TRAF6: variants seen among roughly 807,000 people sequenced by gnomAD.
TRAF6 encodes TNF receptor-associated factor 6.
In TRAF6, 10 loss-of-function variants were observed where a neutral mutation model predicts 48.4. That is an observed-to-expected ratio of 0.21 (90% CI 0.13 to 0.35). The LOEUF is 0.35. Among genes scored for constraint, TRAF6 ranks in the 10% least tolerant of loss-of-function variants. TRAF6 has a pLI of 1.00. For missense variants in TRAF6, 397 were observed against 661.0 expected (o/e 0.60, Z 4.38); for synonymous variants, 186 against 219.6 (o/e 0.85, Z 1.35).
In TRAF6 at chr11:36,510,120, A is replaced by C. The variant is rs914642907; in HGVS notation, c.-95T>G. The C allele has an allele frequency of 3.3e-5, 5 of 152,462 alleles. No homozygotes were observed. The highest frequency in any genetic ancestry group is 9.6e-5 in the African/African-American group (4 of 41,452). The allele number at this position is 152,462 out of a possible 1,614,324, so 9.4% of individuals were successfully genotyped here. ...CCAACCGCACGACTCCGCTCAGCCA[A>C]GGCGCTGGTAGAGGACGGACACAGA... On this transcript the variant is annotated 5_prime_UTR_variant, in exon 1 of 7. Coordinates refer to ENST00000526995, the MANE Select transcript of TRAF6 (RefSeq NM_004620.4).
At chr11:36,495,530 G>A (rs1465972051) in intron 4 of TRAF6, among the ~76,000 whole-genome samples, 1 of 152,164 alleles carries the variant, frequency 6.6e-6, no homozygotes, top group Non-Finnish European at 1.5e-5. Flanking sequence ...AGAATATAAT[G>A]ACTTTAGTTG....
intron 1 of TRAF6, among the ~76,000 whole-genome samples, chr11:36,505,211 T>C (rs550190447): frequency 6.6e-6 from 1 of 152,338 alleles, no homozygotes; most frequent in African/African-American, 2.4e-5. Flanking sequence ...TCTGTAGCTA[T>C]GAACATCCTA....
Position 36,501,485 on chromosome 11 carries a change from C to T in TRAF6, c.31G>A (p.Gly11Arg). ...CAGTCACTTTCAGACTGGCTGGATCCACAGCTGTTTTCACAGTTTAGCAGA... is the reference window on the plus strand; with the variant it reads ...CAGTCACTTTCAGACTGGCTGGATCTACAGCTGTTTTCACAGTTTAGCAGA... The part of the protein sequence containing the change: MSLLNCENSC[G>R]SSQSESDCCV... The change falls in exon 2 of 7, where the codon GGA becomes AGA. Residue 11 changes from glycine (G) to arginine (R), a missense_variant. Gly to Arg is a moderately radical substitution (Grantham distance 125). Transcript: ENST00000526995. 1 of 1,611,058 alleles carries T rather than the reference C, an allele frequency of 6.2e-7. No individual in the cohort carries two copies. Among genetic ancestry groups the T allele is most frequent in the South Asian group, 1.1e-5 (1 of 90,918 alleles).
intron 6 of TRAF6, 115 bp downstream of exon 6, chr11:36,492,436 T>G: frequency 1.2e-6 from 1 of 866,778 alleles, no homozygotes; most frequent in Non-Finnish European, 1.8e-6. Flanking sequence ...CTCTATTATA[T>G]CACTTATTAC....
At chr11:36,502,286 T>C (rs1159394537) in intron 1 of TRAF6, among the ~76,000 whole-genome samples, 2 of 152,216 alleles carry the variant, frequency 1.3e-5, no homozygotes, top group Non-Finnish European at 2.9e-5. Flanking sequence ...TCAGGTCAAG[T>C]GACTATGTTT....
At chr11:36,498,740 A>G in intron 2 of TRAF6, 100 bp from the exon 3 acceptor site, 3 of 1,268,220 alleles carry the variant, frequency 2.4e-6, no homozygotes, top group Non-Finnish European at 2.1e-6. Flanking sequence ...TTACTGTTTC[A>G]TAAGTAAAAA....
rs914931596 is a variant in TRAF6, at chr11:36,490,851, A to G, written c.757-201T>C. On this transcript the variant is annotated intron_variant, in intron 6 of 6. Coordinates refer to ENST00000526995, the MANE Select transcript of TRAF6 (RefSeq NM_004620.4). The surrounding 1 kb of genome is among the most constrained non-coding windows in gnomAD (Gnocchi z 6.4). ...TCACTGAAAAACAGACTATCTGATG[A>G]CTACTCTCCCAGCTTTCACTCACAT... Among the ~76,000 whole-genome samples the G allele has an allele frequency of 2.6e-5, 4 of 152,186 alleles. No homozygotes were observed. The highest frequency in any genetic ancestry group is 9.6e-5 in the African/African-American group (4 of 41,452).
chr11:36,497,399 T>G, intron 3 of TRAF6, 133 bp from the exon 4 acceptor site: 1 of 743,454 alleles, frequency 1.3e-6, no homozygotes, highest in East Asian at 3.2e-5. Flanking sequence ...CACAGAACCA[T>G]TCACAATATG....
At position 36,491,212 on chromosome 11, in the gene TRAF6, T is replaced by A. The variant is rs752773648; in HGVS notation, c.757-562A>T. 2.0e-4 allele frequency among the ~76,000 whole-genome samples: 30 copies of A among 152,158 alleles called. 1 individual carries two copies. Among genetic ancestry groups the A allele is most frequent in the Non-Finnish European group, 4.4e-5 (3 of 68,034 alleles). On this transcript the variant is annotated intron_variant, in intron 6 of 6. Transcript: ENST00000526995. ...TTGTCTGCAATTCCCAGTATACAAA[T>A]CTATTGCAAATTGGAATTTCTCCTG...
intron 1 of TRAF6, among the ~76,000 whole-genome samples, chr11:36,507,118 CAT>C (rs1425729955): frequency 6.8e-6 from 1 of 146,388 alleles, no homozygotes; most frequent in African/African-American, 2.5e-5. Flanking sequence ...TGTATATATA[CAT>C]GTATTATACA....
intron 4 of TRAF6, among the ~76,000 whole-genome samples, chr11:36,496,061 C>T (rs924647336): frequency 6.6e-6 from 1 of 152,114 alleles, no homozygotes; most frequent in Admixed American, 6.5e-5. Flanking sequence ...TTTATAAAAA[C>T]TATAGTTTAA....
At position 36,497,882 on chromosome 11, in the gene TRAF6, G is replaced by C. The variant is rs1041115740; in HGVS notation, c.447+608C>G. On this transcript the variant is annotated intron_variant, in intron 3 of 6. Transcript: ENST00000526995. ...ATTGCAAGATTAAAATGTGACACTT[G>C]TATTTTTTTTTTTTTTTTTTGAGGC... 4.7e-5 allele frequency among the ~76,000 whole-genome samples: 7 copies of C among 149,906 alleles called. No individual in the cohort carries two copies. In the South Asian group the frequency reaches 1.5e-3, roughly 32 times the overall value.
rs1940983871 is a variant in TRAF6, at chr11:36,486,803, T to G, written c.*3035A>C. On this transcript the variant is annotated 3_prime_UTR_variant, in exon 7 of 7. Coordinates refer to ENST00000526995, the MANE Select transcript of TRAF6 (RefSeq NM_004620.4). ...CAGCAAGTTTCATCCAACAGTGGGTTGGACGCTGGGCGTGGTGGCTCATGC... is the reference window on the plus strand; with the variant it reads ...CAGCAAGTTTCATCCAACAGTGGGTGGGACGCTGGGCGTGGTGGCTCATGC... Among the ~76,000 whole-genome samples the G allele has an allele frequency of 6.6e-6, 1 of 152,110 alleles. No individual in the cohort carries two copies. The highest frequency in any genetic ancestry group is 6.6e-5 in the Admixed American group (1 of 15,266).
intron 5 of TRAF6, 105 bp downstream of exon 5, chr11:36,494,871 C>T (rs952996978): frequency 1.3e-6 from 1 of 756,674 alleles, no homozygotes; most frequent in African/African-American, 1.8e-5. Context: ...AATACTTCTT[C>T]AATCTGTATT....
chr11:36,489,744 T>G lies in TRAF6; in HGVS notation c.*94A>C, dbSNP rs1254621198. ...ACACTCACTAGTAGATATTACATAT[T>G]TCCCGTGGCTTGTTTGTTTGCATGT... On this transcript the variant is annotated 3_prime_UTR_variant, in exon 7 of 7. Coordinates refer to ENST00000526995, the MANE Select transcript of TRAF6 (RefSeq NM_004620.4). 22 of 1,288,210 alleles carry G rather than the reference T, an allele frequency of 1.7e-5. No homozygotes were observed. The highest frequency in any genetic ancestry group is 2.4e-5 in the Non-Finnish European group (22 of 922,790). 79.8% of individuals were successfully genotyped at this position (1,288,210 alleles called of 1,614,324 possible). A position where few individuals can be genotyped will look rare whatever the true frequency, so the allele number is the denominator to read the frequency against.
intron 4 of TRAF6, 131 bp from the exon 5 acceptor site, chr11:36,495,178 T>C: frequency 1.6e-6 from 1 of 617,750 alleles, no homozygotes. Context: ...CAAAAGTGAG[T>C]GAAAGTGAGA....
At position 36,486,007 on chromosome 11, in the gene TRAF6, T is replaced by C. The variant is rs560494279; in HGVS notation, c.*3831A>G. Among the ~76,000 whole-genome samples the C allele has an allele frequency of 4.3e-4, 66 of 152,124 alleles. No homozygotes were observed. The highest frequency in any genetic ancestry group is 2.5e-3 in the Admixed American group (38 of 15,274). Reference sequence around the variant, plus strand: ...TTAAGGCATTGCACTGTTTAGGTTGTAAGCAACTAGGCATCACAAACAGAA... The same window carrying C: ...TTAAGGCATTGCACTGTTTAGGTTGCAAGCAACTAGGCATCACAAACAGAA... On this transcript the variant is annotated 3_prime_UTR_variant, in exon 7 of 7. Coordinates refer to ENST00000526995, the MANE Select transcript of TRAF6 (RefSeq NM_004620.4).
intron 4 of TRAF6, among the ~76,000 whole-genome samples, chr11:36,495,995 A>C (rs890852243): frequency 4.6e-5 from 7 of 152,316 alleles, no homozygotes; most frequent in East Asian, 1.9e-4. Flanking sequence ...ATATTTTATC[A>C]ATGTAATGGA....
chr11:36,499,812 A>G (rs1437810948), intron 2 of TRAF6, among the ~76,000 whole-genome samples: 1 of 150,784 alleles, frequency 6.6e-6, no homozygotes, highest in African/African-American at 2.5e-5. Context: ...AACTTTGGAG[A>G]CTAACAAATT....
Sources: gnomAD v4.1 joint callset for allele counts (sites outside exome capture counted in the v4.1 genomes callset) on GRCh38, gnomAD v4.1.1 for gene constraint, Gnocchi (gnomAD v3.1) non-coding constraint, MANE v1.5 for transcripts, NCBI Gene and HGNC (gene_info 2026-07-23, HGNC 2026-07-21) for gene names.